The following GABRB1 variants were observed in gnomAD, a reference collection of about 807,000 sequenced individuals.
GABRB1 encodes the protein gamma-aminobutyric acid receptor subunit beta-1.
GABRB1 carries 17 observed loss-of-function variants against 51.6 expected under a neutral mutation model. That is an observed-to-expected ratio of 0.33 (90% CI 0.23 to 0.49). GABRB1 has a LOEUF of 0.49. Among genes scored for constraint, GABRB1 ranks in the 20% least tolerant of loss-of-function variants. The probability of loss-of-function intolerance (pLI) is 0.99; values close to 1 mark genes in which losing one functional copy is unlikely to be tolerated. For synonymous variants in GABRB1, 247 were observed against 218.9 expected (o/e 1.13, Z -1.14); for missense variants, 410 against 600.6 (o/e 0.68, Z 3.32).
chr4:47,236,164 A>G (rs935156302), intron 4 of GABRB1, among the ~76,000 whole-genome samples: 3 of 152,108 alleles, frequency 2.0e-5, no homozygotes, highest in African/African-American at 7.2e-5. Flanking sequence ...ATTTTATTCA[A>G]TTAAATTTTA....
intron 5 of GABRB1, among the ~76,000 whole-genome samples, chr4:47,321,994 G>C (rs758414142): frequency 6.6e-6 from 1 of 151,946 alleles, no homozygotes; most frequent in Non-Finnish European, 1.5e-5. Context: ...TTCTATTATA[G>C]GTTGATATTT....
At chr4:47,416,161 G>A (rs1012747992) in intron 8 of GABRB1, among the ~76,000 whole-genome samples, 1 of 152,168 alleles carries the variant, frequency 6.6e-6, no homozygotes, top group Admixed American at 6.5e-5. Context: ...TGAGAAGCTA[G>A]CCAGGTAACA....
intron 4 of GABRB1, among the ~76,000 whole-genome samples, chr4:47,191,588 A>T (rs1280298688): frequency 2.0e-5 from 3 of 152,222 alleles, no homozygotes; most frequent in Non-Finnish European, 4.4e-5. Context: ...TTTGTTCATT[A>T]ATAAATTGTT....
At chr4:47,221,888 A>C (rs1720781005) in intron 4 of GABRB1, among the ~76,000 whole-genome samples, 1 of 152,076 alleles carries the variant, frequency 6.6e-6, no homozygotes, top group Admixed American at 6.6e-5. Context: ...ACTCCTGGCC[A>C]ACAGCACTAT....
intron 4 of GABRB1, among the ~76,000 whole-genome samples, chr4:47,279,954 T>G (rs1308715885): frequency 6.6e-6 from 1 of 151,944 alleles, no homozygotes; most frequent in Non-Finnish European, 1.5e-5. Flanking sequence ...AGTCACTTGA[T>G]GTCTTTGGGT....
At chr4:47,357,646 C>G (rs1276952314) in intron 5 of GABRB1, among the ~76,000 whole-genome samples, 1 of 152,174 alleles carries the variant, frequency 6.6e-6, no homozygotes, top group Non-Finnish European at 1.5e-5. Context: ...ACAGCAGCTT[C>G]TAAAGTGGTT....
chr4:47,406,926 G>C lies in GABRB1; in HGVS notation c.1080G>C (p.Gln360His), dbSNP rs748346475. The C allele has an allele frequency of 6.2e-7, 1 of 1,613,002 alleles. No homozygotes were observed. Among genetic ancestry groups the C allele is most frequent in the Non-Finnish European group, 8.5e-7 (1 of 1,179,586 alleles). ...EKNKLEMNKVQVDAHGNILLS... is the reference protein window; with the variant it reads ...EKNKLEMNKVHVDAHGNILLS... Reference sequence around the variant, plus strand: ...ATAAACTGGAGATGAATAAAGTCCAGGTAAGATATTAAATATTCCTAACAA... The same window carrying C: ...ATAAACTGGAGATGAATAAAGTCCACGTAAGATATTAAATATTCCTAACAA... Residue 360 changes from glutamine to histidine, a missense_variant and splice_region_variant, in exon 8 of 9, where the codon CAG becomes CAC. This residue lies in a region of GABRB1 where 181 missense variants were observed against 195.6 expected (regional missense o/e 0.93). Transcript: ENST00000295454.
intron 8 of GABRB1, among the ~76,000 whole-genome samples, chr4:47,421,784 A>G (rs1304812617): frequency 1.3e-5 from 2 of 152,110 alleles, no homozygotes; most frequent in Non-Finnish European, 2.9e-5. Context: ...TATGCCATGT[A>G]CAGTTTGATT....
chr4:47,143,229 T>A (rs1042329880), intron 3 of GABRB1, among the ~76,000 whole-genome samples: 15 of 151,828 alleles, frequency 9.9e-5, no homozygotes, highest in Non-Finnish European at 1.9e-4. Flanking sequence ...GAGGGTATCA[T>A]CAAAAAGAAT....
At chr4:47,095,966 G>A (rs1000864778) in intron 3 of GABRB1, among the ~76,000 whole-genome samples, 2 of 152,180 alleles carry the variant, frequency 1.3e-5, no homozygotes, top group Non-Finnish European at 2.9e-5. Flanking sequence ...CTCAGAGTAG[G>A]ATAATGACAA....
intron 5 of GABRB1, among the ~76,000 whole-genome samples, chr4:47,352,297 C>G (rs1347603570): frequency 2.0e-5 from 3 of 152,080 alleles, no homozygotes; most frequent in African/African-American, 4.8e-5. Flanking sequence ...TAAAAAGAGT[C>G]CAGGACCAGA....
At chr4:47,293,445 A>T (rs1327196818) in intron 4 of GABRB1, among the ~76,000 whole-genome samples, 3 of 152,174 alleles carry the variant, frequency 2.0e-5, no homozygotes, top group Non-Finnish European at 2.9e-5. Flanking sequence ...GGCCCTAAGC[A>T]CATTTTCTTA....
chr4:47,208,522 A>C (rs1269576810), intron 4 of GABRB1, among the ~76,000 whole-genome samples: 1 of 152,134 alleles, frequency 6.6e-6, no homozygotes, highest in African/African-American at 2.4e-5. Context: ...ACAATTTTTA[A>C]AAAAGTAATA....
intron 5 of GABRB1, among the ~76,000 whole-genome samples, chr4:47,356,796 G>A (rs1160538381): frequency 6.6e-6 from 1 of 152,070 alleles, no homozygotes; most frequent in Non-Finnish European, 1.5e-5. Context: ...TTGTTGCTCT[G>A]TGTATAAAAA....
chr4:47,007,876 A>ATATATATATATATATATATATATG (rs1560494114), intron 1 of GABRB1, among the ~76,000 whole-genome samples: 1 of 21,588 alleles, frequency 4.6e-5, no homozygotes. Flanking sequence ...GTATATATAT[A>ATATATATATATATATATATATATG]TATATATATA....
In GABRB1 at chr4:47,164,474, G is replaced by A. The variant is rs556249593; in HGVS notation, c.461+3005G>A. Among the ~76,000 whole-genome samples, 97 of 152,106 alleles carry A rather than the reference G, an allele frequency of 6.4e-4. 2 individuals are homozygous for A. The South Asian group carries it at 0.019, about 30-fold the overall frequency. ...TTATTTTAGGCATGAGTAATTAAGA[G>A]AATCAAACTTCTTGTCTTATTCCTT... is the stretch of plus-strand genomic sequence containing the variant. On this transcript the variant is annotated intron_variant, in intron 4 of 8. Coordinates refer to ENST00000295454, the MANE Select transcript of GABRB1 (RefSeq NM_000812.4).
intron 4 of GABRB1, among the ~76,000 whole-genome samples, chr4:47,194,422 T>A (rs1353514989): frequency 1.3e-5 from 2 of 152,202 alleles, no homozygotes; most frequent in African/African-American, 4.8e-5. Context: ...CCATTTCTCT[T>A]ATGAAAATGA....
intron 5 of GABRB1, among the ~76,000 whole-genome samples, chr4:47,355,797 T>G (rs753969896): frequency 2.6e-5 from 4 of 152,212 alleles, no homozygotes; most frequent in Non-Finnish European, 5.9e-5. Context: ...AGTCATTTGG[T>G]TCATCAACTG....
At chr4:47,039,310 A>G (rs1234352451) in intron 3 of GABRB1, among the ~76,000 whole-genome samples, 1 of 150,248 alleles carries the variant, frequency 6.7e-6, no homozygotes, top group Admixed American at 6.7e-5. Context: ...AGAATAAAGG[A>G]TAATTTTCCA....
Sources: allele counts gnomAD v4.1 joint callset (sites outside exome capture counted in the v4.1 genomes callset), GRCh38; gene constraint gnomAD v4.1.1; regional missense constraint gnomAD v4.1.1; transcripts MANE v1.5; gene names NCBI Gene and HGNC (gene_info 2026-07-23, HGNC 2026-07-21).